Variants in DCC observed in about 807,000 individuals in gnomAD.
The protein encoded by DCC is netrin receptor DCC.
A neutral mutation model predicts 172.5 loss-of-function variants in DCC; 58 were observed. That is an observed-to-expected ratio of 0.34 (90% CI 0.27 to 0.42). The LOEUF is 0.42. Ranked by LOEUF, DCC falls within the 10% of genes least tolerant of loss-of-function variation. The pLI, the probability that DCC is intolerant of heterozygous loss-of-function variation, is 1.00. For missense variants in DCC, 1,740 were observed against 1,791.0 expected (o/e 0.97, Z 0.51); for synonymous variants, 709 against 644.5 (o/e 1.10, Z -1.52).
intron 1 of DCC, among the ~76,000 whole-genome samples, chr18:52,746,668 T>C (rs1186790888): frequency 1.3e-5 from 2 of 152,194 alleles, no homozygotes; most frequent in Non-Finnish European, 2.9e-5. Context: ...TACTATTTGA[T>C]CATTTTGGTG....
intron 25 of DCC, among the ~76,000 whole-genome samples, chr18:53,480,497 A>G (rs1340100450): frequency 3.3e-5 from 5 of 152,164 alleles, no homozygotes; most frequent in Non-Finnish European, 7.3e-5. Flanking sequence ...ACTATTATTT[A>G]TTTTCCTCTA....
intron 25 of DCC, among the ~76,000 whole-genome samples, chr18:53,469,211 G>A (rs1234561330): frequency 6.6e-6 from 1 of 151,782 alleles, no homozygotes; most frequent in Non-Finnish European, 1.5e-5. Context: ...CATCTCCCTT[G>A]GTCTTCCTTC....
At chr18:52,388,576 A>AG (rs780079536) in intron 1 of DCC, among the ~76,000 whole-genome samples, 5 of 151,024 alleles carry the variant, frequency 3.3e-5, no homozygotes, top group Non-Finnish European at 7.4e-5. Flanking sequence ...TAGAATGTGT[A>AG]GGGGAAAAAA....
chr18:52,750,555 T>C (rs1215510911), intron 1 of DCC, among the ~76,000 whole-genome samples: 1 of 152,170 alleles, frequency 6.6e-6, no homozygotes, highest in Non-Finnish European at 1.5e-5. Context: ...GGAATGAATA[T>C]ATGACAGTGA....
intron 3 of DCC, among the ~76,000 whole-genome samples, chr18:52,922,644 G>A (rs865927319): frequency 6.6e-6 from 1 of 152,044 alleles, no homozygotes; most frequent in East Asian, 1.9e-4. Flanking sequence ...GATTTTCATG[G>A]GTACTTGAAA....
intron 19 of DCC, 144 bp from the exon 20 acceptor site, chr18:53,410,305 AAAG>A (rs1465016508): frequency 2.2e-5 from 14 of 638,908 alleles, no homozygotes; most frequent in Non-Finnish European, 3.4e-5. Flanking sequence ...ATTATGAAAA[AAAG>A]ACATTACTTA....
intron 7 of DCC, among the ~76,000 whole-genome samples, chr18:53,111,958 A>T (rs928614227): frequency 6.6e-6 from 1 of 151,622 alleles, no homozygotes; most frequent in Non-Finnish European, 1.5e-5. Flanking sequence ...AAGAGGGAAA[A>T]AAAGAGAAGA....
intron 5 of DCC, among the ~76,000 whole-genome samples, chr18:53,045,843 C>A (rs748007779): frequency 1.4e-4 from 22 of 151,870 alleles, no homozygotes; most frequent in Admixed American, 4.6e-4. Flanking sequence ...ATGAATTACA[C>A]ATGAATTTTA....
chr18:53,183,268 C>T (rs2055225147), intron 9 of DCC, among the ~76,000 whole-genome samples: 1 of 152,066 alleles, frequency 6.6e-6, no homozygotes, highest in Non-Finnish European at 1.5e-5. Flanking sequence ...AGCCCAAGAT[C>T]CAGTTTATGA....
At chr18:52,674,552 T>C (rs181687462) in intron 1 of DCC, among the ~76,000 whole-genome samples, 155 of 152,276 alleles carry the variant, frequency 1.0e-3, no homozygotes, top group African/African-American at 3.7e-3. Context: ...GAAAATCCCA[T>C]GGCCCAGGCA....
intron 2 of DCC, among the ~76,000 whole-genome samples, chr18:52,880,020 T>A (rs1321796709): frequency 6.6e-6 from 1 of 152,202 alleles, no homozygotes; most frequent in African/African-American, 2.4e-5. Context: ...TTTTCCTTTG[T>A]GTTACAAACA....
intron 22 of DCC, among the ~76,000 whole-genome samples, chr18:53,442,836 G>C (rs922918403): frequency 6.6e-6 from 1 of 152,156 alleles, no homozygotes; most frequent in Non-Finnish European, 1.5e-5. Flanking sequence ...TTGTGGTCTG[G>C]ATAAAAGATA....
intron 2 of DCC, among the ~76,000 whole-genome samples, chr18:52,898,645 A>C (rs1339818365): frequency 1.3e-5 from 2 of 151,162 alleles, no homozygotes; most frequent in Admixed American, 1.3e-4. Flanking sequence ...AACACTTTTG[A>C]TGTCCCTACA....
At chr18:52,856,164 A>C (rs1407413370) in intron 2 of DCC, among the ~76,000 whole-genome samples, 1 of 152,186 alleles carries the variant, frequency 6.6e-6, no homozygotes, top group African/African-American at 2.4e-5. Flanking sequence ...AATTTAAGTC[A>C]ATGTCTGTTA....
chr18:52,472,179 G>A (rs1306087738), intron 1 of DCC, among the ~76,000 whole-genome samples: 1 of 152,164 alleles, frequency 6.6e-6, no homozygotes, highest in Admixed American at 6.5e-5. Flanking sequence ...TTCCAGTCCA[G>A]TGAAATGAGT....
intron 1 of DCC, among the ~76,000 whole-genome samples, chr18:52,712,543 A>C (rs755503059): frequency 6.6e-5 from 10 of 152,202 alleles, no homozygotes; most frequent in Admixed American, 4.6e-4. Context: ...ATCTCAAAGC[A>C]GGTAGAATTC....
At chr18:53,390,009 C>T (rs1202838418) in intron 16 of DCC, among the ~76,000 whole-genome samples, 2 of 152,122 alleles carry the variant, frequency 1.3e-5, no homozygotes, top group African/African-American at 4.8e-5. Context: ...GTAAAGCCAG[C>T]TAAAACTAGA....
chr18:53,332,334 A>G (rs1298194759), intron 14 of DCC, among the ~76,000 whole-genome samples: 1 of 152,232 alleles, frequency 6.6e-6, no homozygotes, highest in Admixed American at 6.5e-5. Flanking sequence ...ATTAAGATAA[A>G]TAGAAAACAC....
At chr18:53,062,265 G>A (rs2042505788) in intron 5 of DCC, among the ~76,000 whole-genome samples, 1 of 151,968 alleles carries the variant, frequency 6.6e-6, no homozygotes, top group East Asian at 1.9e-4. Context: ...CATTAGCTTT[G>A]GTGTCAGGAG....
Sources: gnomAD v4.1 joint callset for allele counts (sites outside exome capture counted in the v4.1 genomes callset) on GRCh38, gnomAD v4.1.1 for gene constraint, MANE v1.5 for transcripts, NCBI Gene and HGNC (gene_info 2026-07-23, HGNC 2026-07-21) for gene names.